OR11A1: variants seen among roughly 807,000 people sequenced by gnomAD.
The protein encoded by OR11A1 is olfactory receptor 11A1.
For synonymous variants in OR11A1, 158 were observed against 152.2 expected (o/e 1.04, Z -0.28); for missense variants, 380 against 378.2 (o/e 1.00, Z -0.04).
At chr6:29,440,977 G>C in intron 1 of OR11A1, 1 of 1,473,206 alleles carries the variant, frequency 6.8e-7, no homozygotes. Flanking sequence ...AGTGACTTCT[G>C]TGCAGTGCTC....
chr6:29,434,612 A>G (rs57436965), intron 1 of OR11A1, among the ~76,000 whole-genome samples: 7,714 of 152,316 alleles, frequency 0.051, 377 homozygotes, highest in African/African-American at 0.12. Flanking sequence ...ACACAACTTC[A>G]GAGATAATTC....
chr6:29,445,123 C>T (rs1475331704), intron 1 of OR11A1, among the ~76,000 whole-genome samples: 2 of 152,186 alleles, frequency 1.3e-5, no homozygotes, highest in African/African-American at 2.4e-5. Flanking sequence ...TCTCCTGCCT[C>T]AGCCTCCTGA....
At chr6:29,456,509 CAAA>C (rs577912056) in intron 1 of OR11A1, among the ~76,000 whole-genome samples, 3 of 123,720 alleles carry the variant, frequency 2.4e-5, no homozygotes, top group Non-Finnish European at 5.2e-5. Flanking sequence ...GACTCCGTCT[CAAA>C]AAAAAAAAAA....
intron 1 of OR11A1, among the ~76,000 whole-genome samples, chr6:29,447,963 T>C (rs1191617456): frequency 1.3e-5 from 2 of 151,084 alleles, no homozygotes; most frequent in African/African-American, 4.9e-5. Flanking sequence ...TCTATAGCAC[T>C]CTACTGGTCA....
At chr6:29,433,171 T>A (rs1027752098) in intron 1 of OR11A1, among the ~76,000 whole-genome samples, 27 of 152,170 alleles carry the variant, frequency 1.8e-4, no homozygotes, top group Admixed American at 1.8e-3. Context: ...TTACCTCACA[T>A]ACTTATCATG....
intron 1 of OR11A1, among the ~76,000 whole-genome samples, chr6:29,447,069 T>C (rs1274678399): frequency 6.6e-6 from 1 of 152,226 alleles, no homozygotes. Flanking sequence ...TCCAGAACAA[T>C]GTTTTCTGCC....
At chr6:29,430,614 T>C (rs1294086028) in intron 2 of OR11A1, among the ~76,000 whole-genome samples, 189 bp from the exon 3 acceptor site, 1 of 152,164 alleles carries the variant, frequency 6.6e-6, no homozygotes, top group Non-Finnish European at 1.5e-5. Flanking sequence ...CTAAATAATG[T>C]GTGCACATGA....
intron 2 of OR11A1, among the ~76,000 whole-genome samples, chr6:29,431,141 CAT>C (rs1278299620): frequency 3.9e-5 from 6 of 152,048 alleles, no homozygotes; most frequent in African/African-American, 1.4e-4. Context: ...TCTGAGATAG[CAT>C]AGAGTCCTTA....
At position 29,426,279 on chromosome 6, in the gene OR11A1, C is replaced by G. The variant is rs116043736; in HGVS notation, c.*415G>C. On this transcript the variant is annotated 3_prime_UTR_variant, in exon 5 of 5. Transcript: ENST00000377149. Reference sequence around the variant, plus strand: ...TATCCTTCGCAAACTAACACAGGAACAGAAAATCAAATACCGTATGTCTTC... The same window carrying G: ...TATCCTTCGCAAACTAACACAGGAAGAGAAAATCAAATACCGTATGTCTTC... 0.019 allele frequency: 3,059 copies of G among 164,016 alleles called. 62 individuals carry two copies. The highest frequency in any genetic ancestry group is 0.043 in the African/African-American group (1,787 of 42,008). 10.2% of individuals were successfully genotyped at this position (164,016 alleles called of 1,614,324 possible).
intron 1 of OR11A1, among the ~76,000 whole-genome samples, chr6:29,445,005 A>ATTCT (rs1399710774): frequency 1.3e-5 from 2 of 151,022 alleles, no homozygotes; most frequent in South Asian, 2.1e-4. Flanking sequence ...AAGTATCCTC[A>ATTCT]TTCTTTCTTT....
chr6:29,440,203 G>T (rs779708085), intron 1 of OR11A1: 2 of 1,613,658 alleles, frequency 1.2e-6, no homozygotes, highest in South Asian at 1.1e-5. Flanking sequence ...TTCTTCCTGC[G>T]CACCCTCTCG....
At chr6:29,438,832 G>A (rs2151378116) in intron 1 of OR11A1, among the ~76,000 whole-genome samples, 1 of 152,182 alleles carries the variant, frequency 6.6e-6, no homozygotes, top group East Asian at 1.9e-4. Context: ...TAAAAAAGAA[G>A]ATAAGCAAGT....
Position 29,427,676 on chromosome 6 carries a change from G to A in OR11A1, c.-35C>T, listed in dbSNP as rs1322932420. On this transcript the variant is annotated 5_prime_UTR_variant, in exon 5 of 5. Transcript: ENST00000377149. ...CCAAGTTTCTGCTTGGCAATAATTG[G>A]GGGAGAAATTTTAGCATGTCTCTGC... is the stretch of plus-strand genomic sequence containing the variant. The A allele has an allele frequency of 6.3e-7, 1 of 1,575,178 alleles. No individual in the cohort carries two copies. Among genetic ancestry groups the A allele is most frequent in the Non-Finnish European group, 8.6e-7 (1 of 1,160,810 alleles).
Position 29,447,223 on chromosome 6 carries a change from T to C in OR11A1, c.-389+9764A>G, listed in dbSNP as rs553339090. On this transcript the variant is annotated intron_variant, in intron 1 of 4. Transcript: ENST00000377149. ...ATACAAATGATAAACATAGAAACCC[T>C]GACCATCCTTGACTCCAAGGGTAAA... 8.5e-5 allele frequency among the ~76,000 whole-genome samples: 13 copies of C among 152,310 alleles called. No individual in the cohort carries two copies. The East Asian group carries it at 2.5e-3, about 29-fold the overall frequency.
rs769074039 is a variant in OR11A1 at position 29,440,691 on chromosome 6, C to T, written c.-388-8704G>A. On this transcript the variant is annotated intron_variant, in intron 1 of 4. Transcript: ENST00000377149. ...CGGGCGTATCCTCGTTACCATCTTC[C>T]GGATCCCATCTGTTGCGGGCCGCCG... is the stretch of plus-strand genomic sequence containing the variant. 25 of 1,614,038 alleles carry T rather than the reference C, an allele frequency of 1.5e-5. No individual in the cohort carries two copies. The East Asian group carries it at 5.1e-4, about 33-fold the overall frequency.
chr6:29,448,119 C>T (rs997800142), intron 1 of OR11A1, among the ~76,000 whole-genome samples: 3 of 145,146 alleles, frequency 2.1e-5, no homozygotes, highest in African/African-American at 5.1e-5. Flanking sequence ...TGGGTTCAAG[C>T]GATTCTCCTG....
At chr6:29,443,212 G>A (rs188549911) in intron 1 of OR11A1, among the ~76,000 whole-genome samples, 4 of 152,212 alleles carry the variant, frequency 2.6e-5, no homozygotes, top group African/African-American at 4.8e-5. Context: ...CATTATAGGC[G>A]CAATCACGAA....
At chr6:29,446,964 G>A (rs529594497) in intron 1 of OR11A1, among the ~76,000 whole-genome samples, 43 of 152,292 alleles carry the variant, frequency 2.8e-4, no homozygotes, top group African/African-American at 9.9e-4. Flanking sequence ...AAATAACACA[G>A]TTGAGGACTC....
rs2151405264 is a variant in OR11A1, at chr6:29,453,028, C to T, written c.-389+3959G>A. On this transcript the variant is annotated intron_variant, in intron 1 of 4. Transcript: ENST00000377149. This position sits in a 1 kb window ranked among gnomAD's most constrained non-coding sequence, Gnocchi z 4.5. ...TTTATTATTATCAGATTTTTATATTCTATGTTAAAGGTATTGTATTAAGTC... is the reference window on the plus strand; with the variant it reads ...TTTATTATTATCAGATTTTTATATTTTATGTTAAAGGTATTGTATTAAGTC... 6.6e-6 allele frequency among the ~76,000 whole-genome samples: 1 copy of T among 151,358 alleles called. No homozygotes were observed. The highest frequency in any genetic ancestry group is 2.4e-5 in the African/African-American group (1 of 41,400).
Sources: gnomAD v4.1 joint callset for allele counts (sites outside exome capture counted in the v4.1 genomes callset) on GRCh38, gnomAD v4.1.1 for gene constraint, Gnocchi (gnomAD v3.1) non-coding constraint, MANE v1.5 for transcripts, NCBI Gene and HGNC (gene_info 2026-07-23, HGNC 2026-07-21) for gene names.